PID1: variants seen among roughly 807,000 people sequenced by gnomAD.
PID1 encodes phosphotyrosine interaction domain containing 1.
A neutral mutation model predicts 19.1 loss-of-function variants in PID1; 10 were observed. That is an observed-to-expected ratio of 0.52 (90% CI 0.32 to 0.89). PID1 has a LOEUF of 0.89. PID1 is among the 40% of genes least tolerant of loss of function. PID1 has a pLI of 0.03. For missense variants in PID1, 248 were observed against 285.3 expected, an observed-to-expected ratio of 0.87 and a Z score of 0.94; for synonymous variants, 130 against 116.0, an observed-to-expected ratio of 1.12 and a Z score of -0.78.
intron 2 of PID1, among the ~76,000 whole-genome samples, chr2:229,134,538 G>A (rs1689819788): frequency 6.6e-6 from 1 of 151,828 alleles, no homozygotes; most frequent in Non-Finnish European, 1.5e-5. Context: ...CACCACACCT[G>A]GCCACTGTTG....
At chr2:229,185,317 A>G (rs1365528255) in intron 1 of PID1, among the ~76,000 whole-genome samples, 1 of 151,916 alleles carries the variant, frequency 6.6e-6, no homozygotes, top group Non-Finnish European at 1.5e-5. Flanking sequence ...ATGTTTCTCT[A>G]GATGCCCTCG....
In PID1 at chr2:229,135,411, A is replaced by G. The variant is rs1244163647; in HGVS notation, c.177+20407T>C. ...AAACTCATGAGGCCATAAATTGCAT[A>G]ATTCCATATGTATGACATATCCAGA... On this transcript the variant is annotated intron_variant, in intron 2 of 2. Coordinates refer to ENST00000392055, the MANE Select transcript of PID1 (RefSeq NM_001100818.2). Among the ~76,000 whole-genome samples the G allele has an allele frequency of 2.0e-5, 3 of 152,250 alleles. No homozygotes were observed. In the East Asian group the frequency reaches 5.8e-4, roughly 29 times the overall value.
At chr2:229,143,437 G>T (rs1268326925) in intron 2 of PID1, among the ~76,000 whole-genome samples, 2 of 151,960 alleles carry the variant, frequency 1.3e-5, no homozygotes, top group African/African-American at 4.8e-5. Context: ...AATTAGGAGG[G>T]CAAGTCAGGA....
chr2:229,231,712 TC>T, intron 1 of PID1, among the ~76,000 whole-genome samples: 1 of 152,244 alleles, frequency 6.6e-6, no homozygotes, highest in Middle Eastern at 3.4e-3. Context: ...ATGCTGGAGT[TC>T]CCAAACTTTG....
intron 2 of PID1, among the ~76,000 whole-genome samples, chr2:229,149,252 G>T (rs1308072948): frequency 6.6e-6 from 1 of 152,056 alleles, no homozygotes; most frequent in Non-Finnish European, 1.5e-5. Flanking sequence ...TTTCATTTGT[G>T]TTAAGAAGTA....
intron 2 of PID1, among the ~76,000 whole-genome samples, chr2:229,078,531 T>C (rs986647890): frequency 6.6e-6 from 1 of 152,158 alleles, no homozygotes; most frequent in African/African-American, 2.4e-5. Context: ...TAGCTGTGGG[T>C]TTGTCATAAA....
Position 229,160,648 on chromosome 2 carries a change from G to A in PID1, c.31-4684C>T, listed in dbSNP as rs146972911. 3.3e-5 allele frequency among the ~76,000 whole-genome samples: 5 copies of A among 152,118 alleles called. No individual in the cohort carries two copies. In the East Asian group the frequency reaches 5.8e-4, roughly 18 times the overall value. On this transcript the variant is annotated intron_variant, in intron 1 of 2. Transcript: ENST00000392055. ...GAGACTGTTAAGTCCAATGACAACT[G>A]CAAATCTGTGTGAGAAGTTCTATAG...
chr2:229,063,187 T>C (rs1395559384), intron 2 of PID1, among the ~76,000 whole-genome samples: 2 of 152,114 alleles, frequency 1.3e-5, no homozygotes, highest in Non-Finnish European at 2.9e-5. Flanking sequence ...GTTCTTCTTT[T>C]TCTAGTTCCC....
intron 2 of PID1, among the ~76,000 whole-genome samples, chr2:229,057,299 C>T (rs959733836): frequency 1.3e-5 from 2 of 151,556 alleles, no homozygotes; most frequent in Non-Finnish European, 2.9e-5. Context: ...TAGCTGGGCA[C>T]GATCGTGGGT....
At chr2:229,110,689 T>C (rs1695279872) in intron 2 of PID1, among the ~76,000 whole-genome samples, 1 of 152,216 alleles carries the variant, frequency 6.6e-6, no homozygotes, top group African/African-American at 2.4e-5. Context: ...ATATGCTATA[T>C]ATGATAATAT....
At chr2:229,268,644 T>C (rs1172124893) in intron 1 of PID1, among the ~76,000 whole-genome samples, 3 of 152,140 alleles carry the variant, frequency 2.0e-5, no homozygotes, top group African/African-American at 7.2e-5. Flanking sequence ...ATGAGAAGGT[T>C]TATAAAGATT....
chr2:229,220,767 G>C (rs910037827), intron 1 of PID1, among the ~76,000 whole-genome samples: 12 of 151,980 alleles, frequency 7.9e-5, no homozygotes, highest in African/African-American at 2.9e-4. Flanking sequence ...ATTCCCTTTG[G>C]AGTAAAATTA....
At chr2:229,233,490 A>AT (rs56199529) in intron 1 of PID1, among the ~76,000 whole-genome samples, 23 of 141,964 alleles carry the variant, frequency 1.6e-4, no homozygotes, top group African/African-American at 6.0e-4. Context: ...AGTGTGCTAG[A>AT]TTTTTTTTTT....
intron 2 of PID1, among the ~76,000 whole-genome samples, chr2:229,057,624 A>G (rs541303928): frequency 6.6e-6 from 1 of 152,202 alleles, no homozygotes; most frequent in Non-Finnish European, 1.5e-5. Context: ...TTTAGCAAGT[A>G]AAATACCTAA....
intron 2 of PID1, among the ~76,000 whole-genome samples, chr2:229,130,073 T>A (rs1689699321): frequency 6.6e-6 from 1 of 152,224 alleles, no homozygotes. Context: ...TTCAGCTTTA[T>A]CACCAGAATA....
chr2:229,033,104 C>T (rs539277103), intron 2 of PID1, among the ~76,000 whole-genome samples: 1 of 152,240 alleles, frequency 6.6e-6, no homozygotes, highest in South Asian at 2.1e-4. Flanking sequence ...ATTTGTTTCC[C>T]CTGGTGGCCG....
At chr2:229,189,424 G>A (rs1163480912) in intron 1 of PID1, among the ~76,000 whole-genome samples, 1 of 152,266 alleles carries the variant, frequency 6.6e-6, no homozygotes, top group East Asian at 1.9e-4. Context: ...GCTGGCTGCA[G>A]TGGCTCATGC....
intron 2 of PID1, among the ~76,000 whole-genome samples, chr2:229,049,974 T>G (rs1343264104): frequency 6.6e-6 from 1 of 152,208 alleles, no homozygotes; most frequent in Non-Finnish European, 1.5e-5. Flanking sequence ...TGTATCTACA[T>G]GTACACACCT....
intron 1 of PID1, among the ~76,000 whole-genome samples, chr2:229,186,484 G>A (rs867967864): frequency 3.9e-5 from 6 of 152,146 alleles, no homozygotes; most frequent in African/African-American, 1.2e-4. Context: ...GTACTAGCAG[G>A]CTCAACACAG....
Sources: allele counts gnomAD v4.1 joint callset (sites outside exome capture counted in the v4.1 genomes callset), GRCh38; gene constraint gnomAD v4.1.1; transcripts MANE v1.5; gene names NCBI Gene and HGNC (gene_info 2026-07-23, HGNC 2026-07-21).